The following HMCN1 variants were observed in gnomAD, a reference collection of about 807,000 sequenced individuals.
The protein encoded by HMCN1 is hemicentin-1.
Under a neutral mutation model 625.9 loss-of-function variants are expected in HMCN1, and 321 were observed. The observed-to-expected ratio is 0.51, with a 90% confidence interval of 0.47 to 0.56. HMCN1 has a LOEUF of 0.56. HMCN1 is among the 20% of genes least tolerant of loss of function. HMCN1 has a pLI of 0.00. For missense variants in HMCN1, 6,588 were observed against 6,887.3 expected (o/e 0.96, Z 1.54); for synonymous variants, 2,425 against 2,417.6 (o/e 1.00, Z -0.09).
In HMCN1 at chr1:185,751,695, T is replaced by C. The variant is rs115460757; in HGVS notation, c.268+16648T>C. On this transcript the variant is annotated intron_variant, in intron 1 of 106. Coordinates refer to ENST00000271588, the MANE Select transcript of HMCN1 (RefSeq NM_031935.3). ...TTCATATTTTCTATTTATTTTCTCT[T>C]TGCTGCATTTTGGGTGATTTCCTCA... is the stretch of plus-strand genomic sequence containing the variant. Among the ~76,000 whole-genome samples the C allele has an allele frequency of 8.2e-3, 1,256 of 152,250 alleles. 12 individuals carry two copies. Among genetic ancestry groups the C allele is most frequent in the Middle Eastern group, 0.027 (8 of 294 alleles).
intron 30 of HMCN1, among the ~76,000 whole-genome samples, chr1:186,014,582 C>G (rs1654229872): frequency 6.6e-6 from 1 of 151,822 alleles, no homozygotes; most frequent in Non-Finnish European, 1.5e-5. Context: ...AGAGGCCAGA[C>G]TTGTGGTTGC....
chr1:185,807,712 C>T (rs1659258895), intron 1 of HMCN1, among the ~76,000 whole-genome samples: 1 of 152,152 alleles, frequency 6.6e-6, no homozygotes, highest in Non-Finnish European at 1.5e-5. Flanking sequence ...TTTAGTATCA[C>T]TTCTTTCATG....
At chr1:186,147,631 C>G (rs1361142974) in intron 93 of HMCN1, among the ~76,000 whole-genome samples, 1 of 152,034 alleles carries the variant, frequency 6.6e-6, no homozygotes, top group Non-Finnish European at 1.5e-5. Context: ...AGTTCTAGAC[C>G]ACCACAAGGA....
chr1:185,758,901 G>A (rs1453264986), intron 1 of HMCN1, among the ~76,000 whole-genome samples: 2 of 152,020 alleles, frequency 1.3e-5, no homozygotes, highest in South Asian at 2.1e-4. Context: ...AGATCAGAGA[G>A]GTTAAATACC....
chr1:185,781,521 G>A (rs1657104957), intron 1 of HMCN1, among the ~76,000 whole-genome samples: 1 of 152,166 alleles, frequency 6.6e-6, no homozygotes, highest in Non-Finnish European at 1.5e-5. Context: ...TGCTTTAAAT[G>A]TGTCCTGGCA....
chr1:186,070,658 C>A lies in HMCN1; in HGVS notation c.8040C>A (p.Ser2680=), dbSNP rs1558194997. 1 of 1,613,326 alleles carries A rather than the reference C, an allele frequency of 6.2e-7. No individual in the cohort carries two copies. Among genetic ancestry groups the A allele is most frequent in the Admixed American group, 1.7e-5 (1 of 59,976 alleles). The change falls in exon 52 of 107, where the codon TCC becomes TCA. Residue 2680 remains serine (S), a synonymous_variant. Coordinates refer to ENST00000271588, the MANE Select transcript of HMCN1 (RefSeq NM_031935.3). ...GGGACCTTTGGGGGCCAGGTCTTTC[C>A]CCTAAAGAAGTGAAGATCAAAGTAA... ...NKGDLWGPGL[S]PKEVKIKVNN...
chr1:185,753,859 G>A (rs1264113252), intron 1 of HMCN1, among the ~76,000 whole-genome samples: 2 of 152,080 alleles, frequency 1.3e-5, no homozygotes, highest in South Asian at 2.1e-4. Context: ...GGAAAACTGT[G>A]GAGATTCCTC....
At chr1:185,908,851 A>G (rs542587911) in intron 4 of HMCN1, among the ~76,000 whole-genome samples, 118 of 149,000 alleles carry the variant, frequency 7.9e-4, no homozygotes, top group Non-Finnish European at 1.4e-3. Context: ...TAATTATAAT[A>G]TAGTATAATA....
intron 1 of HMCN1, among the ~76,000 whole-genome samples, chr1:185,765,985 G>A (rs1004131214): frequency 7.9e-5 from 12 of 152,042 alleles, no homozygotes; most frequent in Non-Finnish European, 1.8e-4. Flanking sequence ...GCTACTCCTG[G>A]GGTTCTGTGT....
chr1:185,801,035 A>G (rs992121102), intron 1 of HMCN1, among the ~76,000 whole-genome samples: 1 of 152,250 alleles, frequency 6.6e-6, no homozygotes, highest in Non-Finnish European at 1.5e-5. Flanking sequence ...AAACAAAACA[A>G]AACTTTGACA....
At position 186,103,644 on chromosome 1, in the gene HMCN1, G is replaced by T; in HGVS notation, c.10746G>T (p.Glu3582Asp). 6.2e-7 allele frequency: 1 copy of T among 1,613,674 alleles called. No homozygotes were observed. The highest frequency in any genetic ancestry group is 8.5e-7 in the Non-Finnish European group (1 of 1,179,742). The change falls in exon 69 of 107, where the codon GAG becomes GAT. Residue 3582 changes from glutamate (E) to aspartate (D), a missense_variant. By Grantham distance (45) the Glu-to-Asp change is conservative. Coordinates refer to ENST00000271588, the MANE Select transcript of HMCN1 (RefSeq NM_031935.3). The part of the protein sequence containing the change: ...TDQVQTLGGG[E>D]VLRISTAQVE... ...AAGTGCAAACTCTAGGAGGAGGAGA[G>T]GTTCTTCGAATTTCTACTGCTCAGG...
chr1:185,791,611 A>G (rs764717418), intron 1 of HMCN1, among the ~76,000 whole-genome samples: 10 of 152,098 alleles, frequency 6.6e-5, no homozygotes, highest in Non-Finnish European at 1.3e-4. Flanking sequence ...GGTCCCAGCT[A>G]CTCAGGAGGT....
chr1:185,900,151 T>C (rs1288737962), intron 4 of HMCN1, among the ~76,000 whole-genome samples: 5 of 152,140 alleles, frequency 3.3e-5, no homozygotes, highest in Non-Finnish European at 7.4e-5. Flanking sequence ...AGTCTGACTT[T>C]CTCTGATTTA....
At chr1:185,951,347 GGGA>G (rs1409313485) in intron 11 of HMCN1, among the ~76,000 whole-genome samples, 3 of 151,772 alleles carry the variant, frequency 2.0e-5, no homozygotes, top group African/African-American at 7.3e-5. Context: ...ACCACAGCTG[GGGA>G]GTTTTAAGAG....
At chr1:185,759,437 T>G (rs970583662) in intron 1 of HMCN1, among the ~76,000 whole-genome samples, 1 of 152,198 alleles carries the variant, frequency 6.6e-6, no homozygotes, top group Non-Finnish European at 1.5e-5. Flanking sequence ...TTGCATATGT[T>G]CTGTAGATTT....
chr1:186,088,126 G>A lies in HMCN1; in HGVS notation c.9446-19G>A. 1 of 1,602,800 alleles carries A rather than the reference G, an allele frequency of 6.2e-7. No individual in the cohort carries two copies. The highest frequency in any genetic ancestry group is 1.1e-5 in the South Asian group (1 of 90,100). The stretch of plus-strand genomic sequence containing the variant: ...TTTTCTTCTGTTTTTTTGTTTGTTT[G>A]TTTGTTTGTTTTTTACAGTGCCACC... On this transcript the variant is annotated intron_variant, in intron 61 of 106. Transcript: ENST00000271588.
At chr1:185,865,546 A>G (rs1357794316) in intron 3 of HMCN1, among the ~76,000 whole-genome samples, 195 bp from the exon 4 acceptor site, 2 of 150,334 alleles carry the variant, frequency 1.3e-5, no homozygotes, top group Non-Finnish European at 3.0e-5. Context: ...TGGGTTCACT[A>G]TTAAACAGAG....
intron 46 of HMCN1, 109 bp downstream of exon 46, chr1:186,057,510 G>A: frequency 1.3e-6 from 1 of 786,584 alleles, no homozygotes; most frequent in Non-Finnish European, 2.2e-6. Context: ...TTAACCTACT[G>A]CTTACTGTAA....
chr1:185,808,384 T>C (rs1659306661), intron 1 of HMCN1, among the ~76,000 whole-genome samples: 1 of 151,868 alleles, frequency 6.6e-6, no homozygotes, highest in Admixed American at 6.6e-5. Flanking sequence ...GTAAAAATGG[T>C]GGTGCATGCC....
Sources: allele counts gnomAD v4.1 joint callset (sites outside exome capture counted in the v4.1 genomes callset), GRCh38; gene constraint gnomAD v4.1.1; transcripts MANE v1.5; gene names NCBI Gene and HGNC (gene_info 2026-07-23, HGNC 2026-07-21).